The following CNTN6 variants were observed in gnomAD, a reference collection of about 807,000 sequenced individuals.
The protein encoded by CNTN6 is contactin-6.
In CNTN6, 137 loss-of-function variants were observed where a neutral mutation model predicts 122.8. That is an observed-to-expected ratio of 1.12 (90% CI 0.97 to 1.29). CNTN6 has a LOEUF of 1.29. CNTN6 is among the 50% of genes most tolerant of loss of function. The pLI is 0.00. For missense variants in CNTN6, 1,634 were observed against 1,223.4 expected (o/e 1.34, Z -5.01); for synonymous variants, 570 against 426.0 (o/e 1.34, Z -4.16).
At chr3:1,273,812 A>T (rs1419272879) in intron 4 of CNTN6, among the ~76,000 whole-genome samples, 1 of 152,242 alleles carries the variant, frequency 6.6e-6, no homozygotes, top group African/African-American at 2.4e-5. Flanking sequence ...AAATTATGTC[A>T]CAAGCGGATG....
At chr3:1,274,298 G>A (rs186530187) in intron 4 of CNTN6, among the ~76,000 whole-genome samples, 84 of 152,202 alleles carry the variant, frequency 5.5e-4, no homozygotes, top group Non-Finnish European at 7.4e-4. Context: ...ACATATGTAG[G>A]CTGATTTAGT....
chr3:1,099,613 T>C (rs1013163533), intron 1 of CNTN6, among the ~76,000 whole-genome samples: 21 of 152,188 alleles, frequency 1.4e-4, no homozygotes, highest in Admixed American at 1.2e-3. Context: ...TGAAAACTTA[T>C]ACACATTAAG....
chr3:1,249,994 A>G (rs2094638124), intron 4 of CNTN6, among the ~76,000 whole-genome samples: 1 of 152,074 alleles, frequency 6.6e-6, no homozygotes, highest in Non-Finnish European at 1.5e-5. Flanking sequence ...TCATTTAGAA[A>G]GCAATCCTAT....
At chr3:1,241,862 CTA>C (rs1338207399) in intron 4 of CNTN6, among the ~76,000 whole-genome samples, 14 of 152,298 alleles carry the variant, frequency 9.2e-5, no homozygotes, top group African/African-American at 3.4e-4. Context: ...TTGAAGGCCT[CTA>C]AAAGTATTAA....
chr3:1,247,552 A>T (rs2094599620), intron 4 of CNTN6, among the ~76,000 whole-genome samples: 2 of 152,206 alleles, frequency 1.3e-5, no homozygotes, highest in African/African-American at 4.8e-5. Flanking sequence ...GATCCAATCC[A>T]TTATGAAAAT....
chr3:1,105,613 A>C (rs2091181044), intron 1 of CNTN6, among the ~76,000 whole-genome samples: 1 of 152,172 alleles, frequency 6.6e-6, no homozygotes, highest in Non-Finnish European at 1.5e-5. Flanking sequence ...ATGTTTCTAA[A>C]TGTATTTTTA....
chr3:1,300,531 G>GAT lies in CNTN6; in HGVS notation c.761+2541_761+2542insTA, dbSNP rs1296849686. ...AGAGAAAGAAAGAAAGAAAGATAAA[G>GAT]AAAGAGAGAGAAAGAAAGAGAAAGA... is the stretch of plus-strand genomic sequence containing the variant. On this transcript the variant is annotated intron_variant, in intron 7 of 22. Transcript: ENST00000446702. Among the ~76,000 whole-genome samples, 435 of 122,614 alleles carry GAT rather than the reference G, an allele frequency of 3.5e-3. 3 individuals carry two copies. The highest frequency in any genetic ancestry group is 0.02 in the African/African-American group (407 of 20,836). 80.4% of individuals were successfully genotyped at this position (122,614 alleles called of 152,430 possible).
At chr3:1,302,974 G>T (rs478986) in intron 7 of CNTN6, among the ~76,000 whole-genome samples, 8,994 of 151,656 alleles carry the variant, frequency 0.059, 921 homozygotes, top group African/African-American at 0.21. Context: ...CTCAGTTTGG[G>T]AGGTTCTATT....
rs1198348482 is a variant in CNTN6, at chr3:1,285,831, G to A, written c.454+7323G>A. Among the ~76,000 whole-genome samples the A allele has an allele frequency of 2.0e-5, 3 of 152,128 alleles. No individual in the cohort carries two copies. The East Asian group carries it at 5.8e-4, about 29-fold the overall frequency. On this transcript the variant is annotated intron_variant, in intron 5 of 22. Coordinates refer to ENST00000446702, the MANE Select transcript of CNTN6 (RefSeq NM_001289080.2). ...ACTTAAAAGTTTTTAAATAATACAAGGAGATAACAAGAGTTCTTTACTCTA... is the reference window on the plus strand; with the variant it reads ...ACTTAAAAGTTTTTAAATAATACAAAGAGATAACAAGAGTTCTTTACTCTA...
At chr3:1,330,350 G>T (rs1322732076) in intron 11 of CNTN6, among the ~76,000 whole-genome samples, 1 of 151,836 alleles carries the variant, frequency 6.6e-6, no homozygotes, top group African/African-American at 2.4e-5. Flanking sequence ...ATGACAAAAT[G>T]AATTCACCAC....
chr3:1,099,143 G>A (rs531913220), intron 1 of CNTN6, among the ~76,000 whole-genome samples: 1 of 152,028 alleles, frequency 6.6e-6, no homozygotes, highest in East Asian at 1.9e-4. Context: ...AGACTATTTA[G>A]ACTCATTCTT....
chr3:1,202,405 T>G (rs1458008065), intron 2 of CNTN6, among the ~76,000 whole-genome samples: 6 of 149,018 alleles, frequency 4.0e-5, no homozygotes, highest in Admixed American at 1.3e-4. Flanking sequence ...CCGGGCGTGG[T>G]GGCGGGCGCC....
At chr3:1,289,970 G>A (rs1000451459) in intron 5 of CNTN6, among the ~76,000 whole-genome samples, 5 of 151,828 alleles carry the variant, frequency 3.3e-5, no homozygotes, top group Admixed American at 6.6e-5. Flanking sequence ...CAATGCGCCC[G>A]GCGAGTTTTA....
At chr3:1,242,447 A>G (rs2094498645) in intron 4 of CNTN6, among the ~76,000 whole-genome samples, 1 of 152,134 alleles carries the variant, frequency 6.6e-6, no homozygotes, top group Non-Finnish European at 1.5e-5. Flanking sequence ...GACAGGTAAA[A>G]TGGGGGAATT....
In CNTN6 at chr3:1,373,675, G is replaced by C. The variant is rs748532353; in HGVS notation, c.1858G>C (p.Ala620Pro). Residue 620 changes from alanine to proline, a missense_variant, in exon 15 of 23, where the codon GCA (alanine) becomes CCA (proline). Coordinates refer to ENST00000446702, the MANE Select transcript of CNTN6 (RefSeq NM_001289080.2). ...TACTACTTCTCAACTAAGTTGGAGA[G>C]CAGGCCCAGATAATAACAGTCCCAT... ...SSTTSQLSWR[A>P]GPDNNSPIQI... 11 of 1,613,118 alleles carry C rather than the reference G, an allele frequency of 6.8e-6. No individual in the cohort carries two copies. The Admixed American group carries it at 1.7e-4, about 24-fold the overall frequency.
chr3:1,307,092 T>C (rs1222341881), intron 7 of CNTN6, among the ~76,000 whole-genome samples: 1 of 152,148 alleles, frequency 6.6e-6, no homozygotes, highest in Non-Finnish European at 1.5e-5. Context: ...GAAGATTACA[T>C]AAAGGCCCCG....
chr3:1,232,058 A>C (rs1455173501), intron 4 of CNTN6, among the ~76,000 whole-genome samples: 3 of 152,206 alleles, frequency 2.0e-5, no homozygotes, highest in Non-Finnish European at 4.4e-5. Context: ...TGCTGTTTAA[A>C]ATGTCATCCT....
chr3:1,254,688 T>C (rs1313573937), intron 4 of CNTN6, among the ~76,000 whole-genome samples: 1 of 152,104 alleles, frequency 6.6e-6, no homozygotes, highest in African/African-American at 2.4e-5. Context: ...CTGAGGAGAC[T>C]CTGAGAGACT....
chr3:1,228,143 G>C, intron 4 of CNTN6, 150 bp downstream of exon 4: 1 of 667,562 alleles, frequency 1.5e-6, no homozygotes, highest in Non-Finnish European at 2.4e-6. Flanking sequence ...TGTGAATCTA[G>C]ATTCTTGGGT....
Sources: allele counts gnomAD v4.1 joint callset (sites outside exome capture counted in the v4.1 genomes callset), GRCh38; gene constraint gnomAD v4.1.1; transcripts MANE v1.5; gene names NCBI Gene and HGNC (gene_info 2026-07-23, HGNC 2026-07-21).